Variants in DLC1 observed in about 807,000 individuals in gnomAD.
DLC1 encodes DLC1 Rho GTPase activating protein.
In DLC1, 54 loss-of-function variants were observed where a neutral mutation model predicts 140.3. The ratio of observed to expected loss-of-function variants is 0.38; its 90% CI spans 0.31 to 0.48. DLC1 has a LOEUF of 0.48. Among genes scored for constraint, DLC1 ranks in the 20% least tolerant of loss-of-function variants. DLC1 has a pLI of 0.96. For synonymous variants in DLC1, 986 were observed against 728.1 expected, an observed-to-expected ratio of 1.35 and a Z score of -5.70; for missense variants, 2,536 against 1,907.0, an observed-to-expected ratio of 1.33 and a Z score of -6.14.
rs114151316 is a variant in DLC1 at position 13,566,481 on chromosome 8, T to A, written c.-126+38056A>T. Among the ~76,000 whole-genome samples, 1,314 of 152,024 alleles carry A rather than the reference T, an allele frequency of 8.6e-3. 17 individuals carry two copies. Among genetic ancestry groups the A allele is most frequent in the African/African-American group, 0.03 (1,235 of 41,466 alleles). On this transcript the variant is annotated intron_variant, in intron 1 of 1. Coordinates refer to the DLC1 transcript ENST00000631382. ...CAAAGACATGCTCTACAAGGAGGTG[T>A]CTCTTGGCTATAAACACTGCAGACA... is the stretch of plus-strand genomic sequence containing the variant.
At chr8:13,244,165 T>C (rs1239915145) in intron 5 of DLC1, among the ~76,000 whole-genome samples, 1 of 152,312 alleles carries the variant, frequency 6.6e-6, no homozygotes, top group South Asian at 2.1e-4. Context: ...TTAGCTATAC[T>C]TCCTTCCTTC....
At chr8:13,406,109 C>T (rs1397176605) in intron 2 of DLC1, among the ~76,000 whole-genome samples, 13 of 147,938 alleles carry the variant, frequency 8.8e-5, no homozygotes, top group East Asian at 3.9e-4. Context: ...CAGGTTCAAG[C>T]GATTCTCCTG....
At chr8:13,421,327 C>G (rs2046193) in intron 2 of DLC1, among the ~76,000 whole-genome samples, 50,815 of 151,978 alleles carry the variant, frequency 0.33, 9,303 homozygotes, top group Non-Finnish European at 0.42. Flanking sequence ...TCTGCAACCC[C>G]TAAAGTACCC....
At chr8:13,563,932 T>C (rs1804334395) in intron 1 of DLC1, among the ~76,000 whole-genome samples, 1 of 152,114 alleles carries the variant, frequency 6.6e-6, no homozygotes. Flanking sequence ...AAAACCAAAA[T>C]TCAGTATAAT....
chr8:13,352,185 C>T (rs1169100332), intron 4 of DLC1, among the ~76,000 whole-genome samples: 1 of 152,224 alleles, frequency 6.6e-6, no homozygotes, highest in African/African-American at 2.4e-5. Context: ...TTGGCAGCCA[C>T]ATGGTGCACG....
chr8:13,533,242 G>A (rs527761437), intron 1 of DLC1, among the ~76,000 whole-genome samples: 14 of 19,354 alleles, frequency 7.2e-4, no homozygotes, highest in African/African-American at 1.0e-3. Context: ...TAGAATAATC[G>A]TTGTTTTTTT....
At chr8:13,451,807 T>A (rs1799071408) in intron 2 of DLC1, among the ~76,000 whole-genome samples, 1 of 152,230 alleles carries the variant, frequency 6.6e-6, no homozygotes, top group African/African-American at 2.4e-5. Flanking sequence ...TTGATCATTG[T>A]GAACAGTGCT....
intron 1 of DLC1, among the ~76,000 whole-genome samples, chr8:13,587,233 A>G (rs1805353894): frequency 6.6e-6 from 1 of 151,872 alleles, no homozygotes; most frequent in South Asian, 2.1e-4. Flanking sequence ...CTCACATTTG[A>G]AGAGAGTGAT....
intron 4 of DLC1, among the ~76,000 whole-genome samples, chr8:13,327,205 C>T (rs533546596): frequency 7.0e-6 from 1 of 142,134 alleles, no homozygotes; most frequent in African/African-American, 2.6e-5. Context: ...GATCTCCTGA[C>T]CTCATGATCC....
intron 2 of DLC1, among the ~76,000 whole-genome samples, chr8:13,405,860 C>A (rs368199954): frequency 1.0e-4 from 14 of 140,202 alleles, no homozygotes; most frequent in African/African-American, 2.8e-4. Flanking sequence ...CTGTCTTTCT[C>A]TCTTTTCTTT....
intron 2 of DLC1, among the ~76,000 whole-genome samples, chr8:13,432,837 A>G (rs1366917089): frequency 2.0e-5 from 3 of 152,200 alleles, no homozygotes; most frequent in South Asian, 2.1e-4. Flanking sequence ...CTGCGCTGAC[A>G]AGGAGCTGGC....
At chr8:13,563,154 A>G (rs1804302120) in intron 1 of DLC1, among the ~76,000 whole-genome samples, 1 of 152,202 alleles carries the variant, frequency 6.6e-6, no homozygotes, top group Admixed American at 6.5e-5. Context: ...CGGAAGTGTT[A>G]GGAAGTAAAA....
intron 2 of DLC1, among the ~76,000 whole-genome samples, chr8:13,459,575 G>C (rs1418516964): frequency 6.6e-6 from 1 of 152,080 alleles, no homozygotes; most frequent in Non-Finnish European, 1.5e-5. Flanking sequence ...TTCCAATGGG[G>C]GCAGGGGCTG....
chr8:13,345,547 C>CTTTTTTTTTTTTTTTTTTTTTTTTTTTTT (rs535092622), intron 4 of DLC1, among the ~76,000 whole-genome samples: 4 of 67,520 alleles, frequency 5.9e-5, no homozygotes, highest in Non-Finnish European at 7.7e-5. Context: ...TTCACTCACA[C>CTTTTTTTTTTTTTTTTTTTTTTTTTTTTT]TTTTTTTTTT....
At chr8:13,234,295 A>G (rs1829185057) in intron 5 of DLC1, among the ~76,000 whole-genome samples, 1 of 152,172 alleles carries the variant, frequency 6.6e-6, no homozygotes, top group South Asian at 2.1e-4. Context: ...TTTGTATTAA[A>G]AAACAAAACT....
intron 5 of DLC1, among the ~76,000 whole-genome samples, chr8:13,134,104 A>G (rs186818398): frequency 1.1e-3 from 168 of 152,262 alleles, no homozygotes; most frequent in Non-Finnish European, 2.1e-3. Context: ...TGCAACTTTT[A>G]CAAGCTCTCA....
At chr8:13,382,663 G>A (rs1328840920) in intron 4 of DLC1, among the ~76,000 whole-genome samples, 2 of 152,038 alleles carry the variant, frequency 1.3e-5, no homozygotes, top group Non-Finnish European at 1.5e-5. Flanking sequence ...AAGAAACAAT[G>A]AAAAACAAAT....
Position 13,099,411 on chromosome 8 carries a change from C to G in DLC1, c.2926G>C (p.Glu976Gln). 1 of 1,614,120 alleles carries G rather than the reference C, an allele frequency of 6.2e-7. No homozygotes were observed. Among genetic ancestry groups the G allele is most frequent in the Non-Finnish European group, 8.5e-7 (1 of 1,180,016 alleles). ...STGNSLNEPE[E>Q]PSEIPERRDS... Reference sequence around the variant, plus strand: ...CTTCTTTCCGGGATCTCGGAGGGCTCTTCCGGTTCATTCAGGGAGTTGCCT... The same window carrying G: ...CTTCTTTCCGGGATCTCGGAGGGCTGTTCCGGTTCATTCAGGGAGTTGCCT... Residue 976 changes from glutamate to glutamine, a missense_variant, in exon 9 of 18, where the codon GAG (glutamate) becomes CAG (glutamine). Coordinates refer to ENST00000276297, the MANE Select transcript of DLC1 (RefSeq NM_182643.3).
intron 1 of DLC1, among the ~76,000 whole-genome samples, chr8:13,548,204 A>C (rs1329813762): frequency 6.6e-6 from 1 of 151,996 alleles, no homozygotes; most frequent in East Asian, 1.9e-4. Flanking sequence ...TTAGTTCTTC[A>C]AGTTAAAGTT....
Sources: allele counts gnomAD v4.1 joint callset (sites outside exome capture counted in the v4.1 genomes callset), GRCh38; gene constraint gnomAD v4.1.1; transcripts MANE v1.5; gene names NCBI Gene and HGNC (gene_info 2026-07-23, HGNC 2026-07-21).